Variants in AGMO observed in about 807,000 individuals in gnomAD.
AGMO encodes alkylglycerol monooxygenase.
Under a neutral mutation model 60.2 loss-of-function variants are expected in AGMO, and 75 were observed. That is an observed-to-expected ratio of 1.25 (90% CI 1.03 to 1.51). AGMO has a LOEUF of 1.51. Ranked by LOEUF, AGMO falls within the 40% of genes most tolerant of loss-of-function variation. AGMO has a pLI of 0.00. For synonymous variants in AGMO, 261 were observed against 177.1 expected, an observed-to-expected ratio of 1.47 and a Z score of -3.76; for missense variants, 763 against 525.5, an observed-to-expected ratio of 1.45 and a Z score of -4.42.
At chr7:15,412,236 G>T (rs56921886) in intron 5 of AGMO, among the ~76,000 whole-genome samples, 4 of 151,864 alleles carry the variant, frequency 2.6e-5, no homozygotes, top group Non-Finnish European at 5.9e-5. Context: ...TACTATTTAG[G>T]TATCTCATAA....
intron 3 of AGMO, among the ~76,000 whole-genome samples, chr7:15,475,130 G>T (rs751057487): frequency 6.6e-6 from 1 of 152,136 alleles, no homozygotes; most frequent in Admixed American, 6.6e-5. Flanking sequence ...GGAAGACAGC[G>T]TGGCAATTCC....
the AGMO span, among the ~76,000 whole-genome samples, chr7:15,187,209 T>A: frequency 6.6e-6 from 1 of 152,224 alleles, no homozygotes. Flanking sequence ...TATCAATGCA[T>A]CAGTTACTTG....
chr7:15,193,280 C>T, the AGMO span, among the ~76,000 whole-genome samples: 19 of 152,218 alleles, frequency 1.2e-4, 1 homozygote, highest in South Asian at 2.7e-3. Context: ...ATATAATTAA[C>T]TCCAACATAT....
intron 12 of AGMO, among the ~76,000 whole-genome samples, chr7:15,260,633 C>T (rs770984332): frequency 9.2e-5 from 14 of 151,996 alleles, no homozygotes; most frequent in South Asian, 4.1e-4. Flanking sequence ...AACAAGGTAA[C>T]GGTGGACTTA....
At chr7:15,145,124 G>A in the AGMO span, among the ~76,000 whole-genome samples, 6 of 152,166 alleles carry the variant, frequency 3.9e-5, no homozygotes, top group African/African-American at 1.4e-4. Flanking sequence ...CGCTGCGCCC[G>A]GCCGGCGTTA....
At position 15,483,597 on chromosome 7, in the gene AGMO, AC is replaced by A. The variant is rs879754026; in HGVS notation, c.410-52490del. ...AACAAACAAACAAACAAACAAACAA[AC>A]AAAAAACCATAAAATTTCTAGGACT... On this transcript the variant is annotated intron_variant, in intron 3 of 12. Transcript: ENST00000342526. Among the ~76,000 whole-genome samples the A allele has an allele frequency of 8.7e-3, 1,300 of 149,740 alleles. 15 individuals are homozygous for A. The highest frequency in any genetic ancestry group is 0.013 in the Non-Finnish European group (872 of 67,830).
chr7:15,491,352 C>T (rs1023993006), intron 3 of AGMO, among the ~76,000 whole-genome samples: 2 of 152,126 alleles, frequency 1.3e-5, no homozygotes, highest in African/African-American at 2.4e-5. Context: ...GTCATGCCTA[C>T]GGTGATCTTA....
intron 12 of AGMO, among the ~76,000 whole-genome samples, chr7:15,207,946 T>C (rs1781484122): frequency 6.6e-6 from 1 of 151,792 alleles, no homozygotes; most frequent in South Asian, 2.1e-4. Context: ...AAAAATAAAG[T>C]AAAATAAAAT....
At chr7:15,266,201 ATTGT>A (rs1281435558) in intron 12 of AGMO, among the ~76,000 whole-genome samples, 1 of 151,964 alleles carries the variant, frequency 6.6e-6, no homozygotes, top group Non-Finnish European at 1.5e-5. Flanking sequence ...AGGTATAGTT[ATTGT>A]TTAATAGGTA....
the AGMO span, among the ~76,000 whole-genome samples, chr7:15,148,693 G>A: frequency 3.9e-5 from 6 of 152,202 alleles, no homozygotes; most frequent in East Asian, 1.9e-4. Flanking sequence ...TGGTGTATAC[G>A]TAGCATATTT....
intron 12 of AGMO, among the ~76,000 whole-genome samples, chr7:15,364,033 A>G (rs534623612): frequency 6.6e-6 from 1 of 152,150 alleles, no homozygotes; most frequent in East Asian, 1.9e-4. Context: ...GAACATACAC[A>G]TTAAATCAAC....
At chr7:15,137,928 T>TA in the AGMO span, among the ~76,000 whole-genome samples, 1 of 152,146 alleles carries the variant, frequency 6.6e-6, no homozygotes, top group South Asian at 2.1e-4. Context: ...CTTGCTTTAT[T>TA]GTTTGCTGAG....
intron 12 of AGMO, among the ~76,000 whole-genome samples, chr7:15,316,945 A>C (rs1780944416): frequency 6.6e-6 from 1 of 152,216 alleles, no homozygotes; most frequent in Non-Finnish European, 1.5e-5. Context: ...ACAGAAAGAG[A>C]ATATTCAGCT....
chr7:15,432,335 T>TATATATATATACATAC (rs1253565122), intron 3 of AGMO, among the ~76,000 whole-genome samples: 7 of 136,620 alleles, frequency 5.1e-5, no homozygotes, highest in South Asian at 2.3e-4. Flanking sequence ...TATGTATATA[T>TATATATATATACATAC]ATATATATAT....
intron 12 of AGMO, among the ~76,000 whole-genome samples, chr7:15,337,526 G>A (rs1161415390): frequency 6.6e-6 from 1 of 152,034 alleles, no homozygotes; most frequent in East Asian, 1.9e-4. Flanking sequence ...GCTGAGAAAA[G>A]GATTTTGGAG....
At chr7:15,498,565 C>T (rs992402478) in intron 3 of AGMO, among the ~76,000 whole-genome samples, 5 of 151,988 alleles carry the variant, frequency 3.3e-5, no homozygotes, top group African/African-American at 1.2e-4. Flanking sequence ...TAAGGTATTA[C>T]GGCATCTCTC....
At chr7:15,451,651 A>C (rs529400473) in intron 3 of AGMO, among the ~76,000 whole-genome samples, 39 of 152,294 alleles carry the variant, frequency 2.6e-4, no homozygotes, top group South Asian at 2.5e-3. Context: ...AAATTAACTC[A>C]AAATGGGTTA....
In AGMO at chr7:15,436,021, G is replaced by A. The variant is rs144091575; in HGVS notation, c.410-4913C>T. Among the ~76,000 whole-genome samples the A allele has an allele frequency of 4.4e-3, 670 of 152,216 alleles. 4 individuals are homozygous for A. In the Middle Eastern group the frequency reaches 0.044, roughly 10 times the overall value. On this transcript the variant is annotated intron_variant, in intron 3 of 12. Transcript: ENST00000342526. Reference sequence around the variant, plus strand: ...AGTGGGCAGGCCAAGAAGTCTTGGCGCAACCTTGGAATGATGATGTTGGTT... The same window carrying A: ...AGTGGGCAGGCCAAGAAGTCTTGGCACAACCTTGGAATGATGATGTTGGTT...
chr7:15,538,991 T>C (rs1007703977), intron 3 of AGMO, among the ~76,000 whole-genome samples: 1 of 152,186 alleles, frequency 6.6e-6, no homozygotes, highest in Non-Finnish European at 1.5e-5. Context: ...GATTGCTTAT[T>C]ACAACAGTTT....
Sources: allele counts gnomAD v4.1 joint callset (sites outside exome capture counted in the v4.1 genomes callset), GRCh38; gene constraint gnomAD v4.1.1; transcripts MANE v1.5; gene names NCBI Gene and HGNC (gene_info 2026-07-23, HGNC 2026-07-21).